Variants in MPP7 observed in about 807,000 individuals in gnomAD.
MPP7 encodes the protein MAGUK p55 subfamily member 7.
A neutral mutation model predicts 76.5 loss-of-function variants in MPP7; 60 were observed. The ratio of observed to expected loss-of-function variants is 0.78; its 90% confidence interval spans 0.64 to 0.97. The LOEUF is 0.97. Ranked by LOEUF, MPP7 falls within the 50% of genes least tolerant of loss-of-function variation. MPP7 has a pLI of 0.00. For synonymous variants in MPP7, 237 were observed against 244.5 expected (o/e 0.97, Z 0.29); for missense variants, 641 against 694.0 (o/e 0.92, Z 0.86).
intron 2 of MPP7, among the ~76,000 whole-genome samples, chr10:28,206,813 A>G (rs923134940): frequency 6.6e-6 from 1 of 152,186 alleles, no homozygotes; most frequent in Non-Finnish European, 1.5e-5. Context: ...TCTACAACAG[A>G]ACCACTAAGC....
chr10:28,209,505 T>C (rs1317444270), intron 2 of MPP7, among the ~76,000 whole-genome samples: 2 of 151,882 alleles, frequency 1.3e-5, no homozygotes, highest in Non-Finnish European at 2.9e-5. Context: ...TGTCTCTTTC[T>C]GGGGGAGAGG....
At chr10:28,159,457 T>C (rs1356388183) in intron 3 of MPP7, among the ~76,000 whole-genome samples, 3 of 152,208 alleles carry the variant, frequency 2.0e-5, no homozygotes, top group Non-Finnish European at 4.4e-5. Context: ...TTTTCCAAAA[T>C]AAAAGTTTTT....
intron 11 of MPP7, among the ~76,000 whole-genome samples, chr10:28,115,507 C>T (rs949333188): frequency 6.6e-6 from 1 of 152,128 alleles, no homozygotes; most frequent in Non-Finnish European, 1.5e-5. Context: ...CTTCATGTAA[C>T]AACATAAGCA....
At chr10:28,269,944 T>A (rs1389272282) in intron 1 of MPP7, among the ~76,000 whole-genome samples, 1 of 152,108 alleles carries the variant, frequency 6.6e-6, no homozygotes, top group Non-Finnish European at 1.5e-5. Context: ...GAGACCTGAG[T>A]TGGAGTTAGG....
chr10:28,125,815 C>G (rs993812445), intron 6 of MPP7, among the ~76,000 whole-genome samples: 1 of 152,042 alleles, frequency 6.6e-6, no homozygotes, highest in African/African-American at 2.4e-5. Flanking sequence ...CAAAAAGAAG[C>G]CAAAAATTCT....
intron 1 of MPP7, among the ~76,000 whole-genome samples, chr10:28,262,251 A>ACATG (rs1840006288): frequency 1.8e-5 from 1 of 56,696 alleles, no homozygotes; most frequent in African/African-American, 9.7e-5. Context: ...ATACATATAT[A>ACATG]TATATATGTA....
rs751175218 is a variant in MPP7 at position 28,059,637 on chromosome 10, A to G, written c.1298+13T>C. ...AAACAGTCACATGAAAATTCTCAAA[A>G]ATGTCCACATACTTGTTATTTTGTA... is the stretch of plus-strand genomic sequence containing the variant. On this transcript the variant is annotated intron_variant, in intron 14 of 16. Transcript: ENST00000683449. 9 of 1,596,938 alleles carry G rather than the reference A, an allele frequency of 5.6e-6. No homozygotes were observed. The Admixed American group carries it at 1.0e-4, about 18-fold the overall frequency.
At chr10:28,117,963 C>T in intron 11 of MPP7, 1 of 261,220 alleles carries the variant, frequency 3.8e-6, no homozygotes, top group Non-Finnish European at 5.9e-6. Context: ...AGAGGAGGAC[C>T]AGCAAACATT....
chr10:28,112,987 A>G (rs1292143619), intron 11 of MPP7, among the ~76,000 whole-genome samples: 2 of 151,988 alleles, frequency 1.3e-5, no homozygotes. Context: ...CCACTTCCTC[A>G]AGGCAGCCCA....
At chr10:28,268,276 A>T (rs1421864099) in intron 1 of MPP7, among the ~76,000 whole-genome samples, 1 of 152,162 alleles carries the variant, frequency 6.6e-6, no homozygotes, top group Non-Finnish European at 1.5e-5. Context: ...GAAGAAGGAA[A>T]GAGCCCAATA....
At chr10:28,164,231 G>A (rs1836367436) in intron 3 of MPP7, among the ~76,000 whole-genome samples, 1 of 152,180 alleles carries the variant, frequency 6.6e-6, no homozygotes, top group Non-Finnish European at 1.5e-5. Flanking sequence ...GGGAAGCAGG[G>A]TGGAGGAGAG....
chr10:28,149,349 C>G (rs947032147), intron 4 of MPP7, among the ~76,000 whole-genome samples: 1 of 152,166 alleles, frequency 6.6e-6, no homozygotes, highest in Non-Finnish European at 1.5e-5. Flanking sequence ...TCATCCGAGT[C>G]CGAAAGTTAA....
chr10:28,179,318 C>A (rs1836982194), intron 3 of MPP7, among the ~76,000 whole-genome samples: 1 of 152,112 alleles, frequency 6.6e-6, no homozygotes, highest in African/African-American at 2.4e-5. Flanking sequence ...AAAAACCTGT[C>A]CCTATCTCAG....
chr10:28,243,077 CTT>C (rs138852975), intron 1 of MPP7, among the ~76,000 whole-genome samples: 1 of 145,966 alleles, frequency 6.9e-6, no homozygotes, highest in Non-Finnish European at 1.5e-5. Context: ...GATCATGGAA[CTT>C]TTTTTTTTTT....
At chr10:28,163,007 T>C (rs1836315728) in intron 3 of MPP7, among the ~76,000 whole-genome samples, 1 of 152,128 alleles carries the variant, frequency 6.6e-6, no homozygotes, top group African/African-American at 2.4e-5. Flanking sequence ...TCTTCCTATC[T>C]CAAGGTCCTT....
At chr10:28,213,222 T>C (rs1233678099) in intron 2 of MPP7, among the ~76,000 whole-genome samples, 1 of 152,040 alleles carries the variant, frequency 6.6e-6, no homozygotes, top group Non-Finnish European at 1.5e-5. Context: ...CAACAGAGAA[T>C]TGATCCTTGT....
intron 13 of MPP7, among the ~76,000 whole-genome samples, chr10:28,062,072 A>G (rs998904627): frequency 6.6e-6 from 1 of 152,188 alleles, no homozygotes; most frequent in African/African-American, 2.4e-5. Context: ...GAATGAGGAA[A>G]GAACAAATAA....
chr10:28,112,794 T>C (rs542831177), intron 11 of MPP7, among the ~76,000 whole-genome samples: 110 of 152,218 alleles, frequency 7.2e-4, no homozygotes, highest in African/African-American at 2.6e-3. Flanking sequence ...ACTTATTTAA[T>C]TCCCCAACAA....
At chr10:28,066,116 C>G (rs1262720033) in intron 13 of MPP7, among the ~76,000 whole-genome samples, 1 of 152,100 alleles carries the variant, frequency 6.6e-6, no homozygotes, top group Non-Finnish European at 1.5e-5. Flanking sequence ...ACTATAATCT[C>G]AGCACTTTGG....
Sources: allele counts gnomAD v4.1 joint callset (sites outside exome capture counted in the v4.1 genomes callset), GRCh38; gene constraint gnomAD v4.1.1; transcripts MANE v1.5; gene names NCBI Gene and HGNC (gene_info 2026-07-23, HGNC 2026-07-21).